Variants in CNTN4 observed in about 807,000 individuals in gnomAD.
The protein encoded by CNTN4 is contactin 4.
CNTN4 carries 77 observed loss-of-function variants against 122.5 expected under a neutral mutation model. The ratio of observed to expected loss-of-function variants is 0.63; its 90% CI spans 0.52 to 0.76. The LOEUF is 0.76. Among genes scored for constraint, CNTN4 ranks in the 30% least tolerant of loss-of-function variants. The pLI, the probability that CNTN4 is intolerant of heterozygous loss-of-function variation, is 0.00. For missense variants in CNTN4, 1,256 were observed against 1,259.1 expected (o/e 1.00, Z 0.04); for synonymous variants, 512 against 447.0 (o/e 1.15, Z -1.83).
intron 2 of CNTN4, among the ~76,000 whole-genome samples, chr3:2,225,962 G>A (rs1027770367): frequency 6.6e-6 from 1 of 152,162 alleles, no homozygotes; most frequent in Non-Finnish European, 1.5e-5. Context: ...AAGACCTTGA[G>A]CAAGTTACTT....
Position 2,575,806 on chromosome 3 carries a change from CTTCTTTT to C in CNTN4, c.55+4251_55+4257del, listed in dbSNP as rs1341305680. Among the ~76,000 whole-genome samples the C allele has an allele frequency of 4.4e-4, 47 of 106,724 alleles. 1 individual carries two copies. Among genetic ancestry groups the C allele is most frequent in the South Asian group, 2.7e-3 (8 of 2,980 alleles). The allele number at this position is 106,724 out of a possible 152,430, so 70.0% of individuals were successfully genotyped here. ...TAATGATATATTTTGCTTTCTTCTT[CTTCTTTT>C]TTTTTTTTTTTTTTTTTTTTTTTTG... is the stretch of plus-strand genomic sequence containing the variant. On this transcript the variant is annotated intron_variant, in intron 4 of 24. Transcript: ENST00000418658.
intron 12 of CNTN4, among the ~76,000 whole-genome samples, chr3:2,911,855 C>T (rs1175662043): frequency 6.6e-6 from 1 of 152,148 alleles, no homozygotes; most frequent in Admixed American, 6.5e-5. Context: ...AAATAATCAG[C>T]AATTCAAAGA....
chr3:2,465,899 C>T (rs1270925786), intron 3 of CNTN4, among the ~76,000 whole-genome samples: 9 of 152,000 alleles, frequency 5.9e-5, no homozygotes, highest in Admixed American at 5.9e-4. Context: ...AATATTTTAC[C>T]TAAAATGGAG....
At chr3:2,834,026 G>C (rs1460753658) in intron 7 of CNTN4, among the ~76,000 whole-genome samples, 1 of 151,872 alleles carries the variant, frequency 6.6e-6, no homozygotes, top group Admixed American at 6.6e-5. Flanking sequence ...GGCACCTGTA[G>C]TCCCAGCTAC....
At chr3:2,254,860 C>A (rs1270417037) in intron 2 of CNTN4, among the ~76,000 whole-genome samples, 2 of 152,088 alleles carry the variant, frequency 1.3e-5, no homozygotes, top group African/African-American at 2.4e-5. Flanking sequence ...ATGATAGTTT[C>A]TTTTGCTGTG....
At chr3:2,953,869 CA>C (rs2094772096) in intron 13 of CNTN4, among the ~76,000 whole-genome samples, 1 of 152,150 alleles carries the variant, frequency 6.6e-6, no homozygotes, top group Non-Finnish European at 1.5e-5. Flanking sequence ...CCGATTCATT[CA>C]TTCAAATATT....
intron 4 of CNTN4, among the ~76,000 whole-genome samples, chr3:2,601,364 G>C (rs2081038038): frequency 6.6e-6 from 1 of 152,114 alleles, no homozygotes; most frequent in Non-Finnish European, 1.5e-5. Flanking sequence ...AATCCATCTT[G>C]AATTAATTTT....
At position 2,310,208 on chromosome 3, in the gene CNTN4, T is replaced by C. The variant is rs189974417; in HGVS notation, c.-144-28970T>C. 1.2e-4 allele frequency among the ~76,000 whole-genome samples: 18 copies of C among 152,254 alleles called. 1 individual carries two copies. The East Asian group carries it at 3.5e-3, about 29-fold the overall frequency. ...ACAGCAACAGACAAATGACTTGGCT[T>C]TAGCCCTCAACTAATTTATTGGGTG... is the stretch of plus-strand genomic sequence containing the variant. On this transcript the variant is annotated intron_variant, in intron 2 of 24. Coordinates refer to ENST00000418658, the MANE Select transcript of CNTN4 (RefSeq NM_175607.3).
intron 3 of CNTN4, among the ~76,000 whole-genome samples, chr3:2,511,857 A>G (rs764860764): frequency 1.1e-4 from 17 of 152,130 alleles, no homozygotes; most frequent in Non-Finnish European, 2.1e-4. Flanking sequence ...TAAATCTCTT[A>G]TATAATTGAT....
intron 12 of CNTN4, among the ~76,000 whole-genome samples, chr3:2,904,069 A>C (rs9815595): frequency 0.69 from 104,910 of 151,978 alleles, 36,270 homozygotes; most frequent in African/African-American, 0.75. Flanking sequence ...CTGTAGAAAA[A>C]TTTTGAATTT....
chr3:2,614,640 G>A (rs908064412), intron 4 of CNTN4, among the ~76,000 whole-genome samples: 3 of 152,096 alleles, frequency 2.0e-5, no homozygotes, highest in Admixed American at 6.6e-5. Context: ...CTTGAGCTAC[G>A]GCATAGACGA....
At chr3:2,156,021 T>G (rs562627050) in intron 2 of CNTN4, among the ~76,000 whole-genome samples, 18 of 152,284 alleles carry the variant, frequency 1.2e-4, no homozygotes, top group Admixed American at 5.2e-4. Flanking sequence ...TCTTCTCCAG[T>G]AAGAGATTTC....
chr3:2,864,487 C>G (rs1054042807), intron 7 of CNTN4, among the ~76,000 whole-genome samples: 3 of 151,748 alleles, frequency 2.0e-5, no homozygotes, highest in Non-Finnish European at 4.4e-5. Flanking sequence ...ACCTGTAATC[C>G]CAGCACTTTG....
Position 2,709,600 on chromosome 3 carries a change from T to C in CNTN4, c.56-26615T>C, listed in dbSNP as rs1414584309. Among the ~76,000 whole-genome samples the C allele has an allele frequency of 6.6e-6, 1 of 152,182 alleles. No individual in the cohort carries two copies. Among genetic ancestry groups the C allele is most frequent in the Non-Finnish European group, 1.5e-5 (1 of 68,020 alleles). ...ACAATTTCACATATTGAAAAATGTTTTTAATAATTAATCATTTAAATTCCA... is the reference window on the plus strand; with the variant it reads ...ACAATTTCACATATTGAAAAATGTTCTTAATAATTAATCATTTAAATTCCA... On this transcript the variant is annotated intron_variant, in intron 4 of 24. Coordinates refer to ENST00000418658, the MANE Select transcript of CNTN4 (RefSeq NM_175607.3). The surrounding 1 kb of genome is among the most constrained non-coding windows in gnomAD (Gnocchi z 5.0).
intron 2 of CNTN4, among the ~76,000 whole-genome samples, chr3:2,187,107 A>G (rs2037307439): frequency 6.6e-6 from 1 of 152,276 alleles, no homozygotes; most frequent in South Asian, 2.1e-4. Context: ...TTTTTGTATA[A>G]GGTGTAAGGA....
intron 6 of CNTN4, among the ~76,000 whole-genome samples, chr3:2,813,777 C>T (rs539815361): frequency 6.6e-6 from 1 of 152,236 alleles, no homozygotes; most frequent in East Asian, 1.9e-4. Context: ...GATACTTCTT[C>T]CCCAGCTCTA....
At chr3:2,852,003 A>C (rs1465785309) in intron 7 of CNTN4, among the ~76,000 whole-genome samples, 1 of 152,148 alleles carries the variant, frequency 6.6e-6, no homozygotes, top group African/African-American at 2.4e-5. Flanking sequence ...CTAGTTGCTA[A>C]GTTTCTCAAT....
rs150412580 is a variant in CNTN4, at chr3:2,276,572, T to A, written c.-144-62606T>A. On this transcript the variant is annotated intron_variant, in intron 2 of 24. Transcript: ENST00000418658. ...AGACTCTTCTATTTTTTAGGATCTC[T>A]GTGGCATAGTGCATTGCAAGTAGTT... Among the ~76,000 whole-genome samples the A allele has an allele frequency of 6.8e-4, 103 of 152,326 alleles. 1 individual carries two copies. The highest frequency in any genetic ancestry group is 2.6e-3 in the Admixed American group (40 of 15,300).
intron 13 of CNTN4, among the ~76,000 whole-genome samples, chr3:2,968,849 C>T (rs1392247217): frequency 1.3e-5 from 2 of 152,206 alleles, no homozygotes; most frequent in African/African-American, 4.8e-5. Flanking sequence ...TCTATGGACA[C>T]ACAGATGTTT....
Sources: gnomAD v4.1 joint callset for allele counts (sites outside exome capture counted in the v4.1 genomes callset) on GRCh38, gnomAD v4.1.1 for gene constraint, Gnocchi (gnomAD v3.1) non-coding constraint, MANE v1.5 for transcripts, NCBI Gene and HGNC (gene_info 2026-07-23, HGNC 2026-07-21) for gene names.